The following MEI1 variants were observed in gnomAD, a reference collection of about 807,000 sequenced individuals.
The protein encoded by MEI1 is meiotic double-stranded break formation protein 1, also known as meiosis inhibitor protein 1.
MEI1 carries 103 observed loss-of-function variants against 146.2 expected under a neutral mutation model. The ratio of observed to expected loss-of-function variants is 0.70; its 90% CI spans 0.60 to 0.83. MEI1 has a LOEUF of 0.83. MEI1 is among the 40% of genes least tolerant of loss of function. The pLI is 0.00. For missense variants in MEI1, 1,529 were observed against 1,533.0 expected (o/e 1.00, Z 0.04); for synonymous variants, 652 against 628.2 (o/e 1.04, Z -0.57).
intron 14 of MEI1, 157 bp downstream of exon 14, chr22:41,746,183 A>G: frequency 1.7e-6 from 1 of 577,438 alleles, no homozygotes; most frequent in East Asian, 3.1e-5. Flanking sequence ...TGTTCTAAAA[A>G]TAAAATGTAG....
intron 11 of MEI1, among the ~76,000 whole-genome samples, chr22:41,736,775 T>A (rs1337663624): frequency 6.6e-6 from 1 of 152,132 alleles, no homozygotes; most frequent in East Asian, 1.9e-4. Flanking sequence ...ATCTCAGGAT[T>A]CTCTGTGAAA....
In MEI1 at chr22:41,770,859, AC is replaced by A; in HGVS notation, c.2443del (p.Leu815TrpfsTer16). ...FFWEESSYEE[L>X]DDVTSAGQPA... ...TCTGGGAAGAGAGCAGCTATGAGGA[AC>A]TGGATGATGTCACCTCTGCTGGGCA... On this transcript the variant is annotated frameshift_variant, in exon 20 of 31. Coordinates refer to ENST00000401548, the MANE Select transcript of MEI1 (RefSeq NM_152513.4). LOFTEE classifies it high-confidence loss of function. The A allele has an allele frequency of 6.2e-7, 1 of 1,613,978 alleles. No individual in the cohort carries two copies. The highest frequency in any genetic ancestry group is 8.5e-7 in the Non-Finnish European group (1 of 1,179,898).
intron 26 of MEI1, 32 bp from the exon 27 acceptor site, chr22:41,793,797 C>A (rs1298270746): frequency 3.9e-6 from 6 of 1,554,916 alleles, no homozygotes; most frequent in Non-Finnish European, 4.3e-6. Context: ...GGTAGCAAAA[C>A]CTGACCTGAT....
intron 15 of MEI1, among the ~76,000 whole-genome samples, chr22:41,749,565 A>G (rs1236978308): frequency 6.6e-6 from 1 of 152,150 alleles, no homozygotes; most frequent in Admixed American, 6.5e-5. Flanking sequence ...GTGAGCCACC[A>G]CGCCTGGCCT....
chr22:41,778,572 C>CA (rs2075590192), intron 21 of MEI1, 136 bp from the exon 22 acceptor site: 2 of 632,544 alleles, frequency 3.2e-6, no homozygotes, highest in Non-Finnish European at 5.6e-6. Context: ...GAGTAAATCC[C>CA]AACAAAACAC....
intron 11 of MEI1, among the ~76,000 whole-genome samples, chr22:41,739,772 C>G (rs1220950745): frequency 6.6e-6 from 1 of 152,054 alleles, no homozygotes; most frequent in Non-Finnish European, 1.5e-5. Flanking sequence ...CTAGAGGGGA[C>G]CAGTAGTGCC....
rs537424129 is a variant in MEI1 at position 41,713,173 on chromosome 22, T to C, written c.350-829T>C. ...ATGTGCAGCCTGAGTTGAGAACCAC[T>C]GATAATAAATCAAAGAAGGCCAGGC... is the stretch of plus-strand genomic sequence containing the variant. On this transcript the variant is annotated intron_variant, in intron 3 of 30. Transcript: ENST00000401548. Among the ~76,000 whole-genome samples the C allele has an allele frequency of 2.0e-3, 301 of 152,146 alleles. 1 individual carries two copies. The highest frequency in any genetic ancestry group is 6.8e-3 in the African/African-American group (284 of 41,514).
chr22:41,774,707 A>T (rs2075354560), intron 20 of MEI1, among the ~76,000 whole-genome samples: 1 of 152,218 alleles, frequency 6.6e-6, no homozygotes, highest in Non-Finnish European at 1.5e-5. Context: ...TCTCATTTGA[A>T]AAATTGGGGT....
At chr22:41,798,121 ACACACACACACACACACAC>A (rs2076428955) in intron 30 of MEI1, among the ~76,000 whole-genome samples, 1 of 11,544 alleles carries the variant, frequency 8.7e-5, no homozygotes, top group Admixed American at 1.2e-3. Context: ...AGCCCAACAC[ACACACACACACACACACAC>A]ACACACACAC....
chr22:41,799,292 G>C lies in MEI1; in HGVS notation c.3818G>C (p.Arg1273Thr). 1 of 1,613,558 alleles carries C rather than the reference G, an allele frequency of 6.2e-7. No individual in the cohort carries two copies. Among genetic ancestry groups the C allele is most frequent in the Non-Finnish European group, 8.5e-7 (1 of 1,179,670 alleles). ...GTGGCTGTATCCCTGTCCCACATCA[G>C]AAACTGATCCTCAGGACTTGAAGGC... ...GGVAVSLSHI[R>T]N The change falls in exon 31 of 31, where the codon AGA becomes ACA. Residue 1273 changes from arginine to threonine, a missense_variant. Arg to Thr is a moderately conservative substitution (Grantham distance 71). This residue lies in a region of MEI1 where 313 missense variants were observed against 337.3 expected (regional missense o/e 0.93). Coordinates refer to ENST00000401548, the MANE Select transcript of MEI1 (RefSeq NM_152513.4).
At chr22:41,710,667 C>G (rs1364397830) in intron 3 of MEI1, among the ~76,000 whole-genome samples, 2 of 152,174 alleles carry the variant, frequency 1.3e-5, no homozygotes, top group African/African-American at 4.8e-5. Flanking sequence ...TGCCTCACTT[C>G]TTTTGTGAAA....
chr22:41,704,453 G>A (rs371226712), intron 2 of MEI1, among the ~76,000 whole-genome samples: 1 of 137,464 alleles, frequency 7.3e-6, no homozygotes, highest in Non-Finnish European at 1.5e-5. Flanking sequence ...TCGCTCTTTC[G>A]CCCAGGCCGG....
intron 6 of MEI1, among the ~76,000 whole-genome samples, chr22:41,719,996 G>A (rs892908023): frequency 6.6e-6 from 1 of 152,112 alleles, no homozygotes; most frequent in Non-Finnish European, 1.5e-5. Context: ...TCTATAGCTG[G>A]CCCTGTGCTG....
At chr22:41,708,772 G>A (rs1262682122) in intron 3 of MEI1, among the ~76,000 whole-genome samples, 1 of 152,170 alleles carries the variant, frequency 6.6e-6, no homozygotes, top group African/African-American at 2.4e-5. Context: ...CCATCTCAGT[G>A]GCATCACTGG....
At chr22:41,747,930 A>G (rs2073451325) in intron 14 of MEI1, among the ~76,000 whole-genome samples, 177 bp from the exon 15 acceptor site, 2 of 152,164 alleles carry the variant, frequency 1.3e-5, no homozygotes, top group East Asian at 3.9e-4. Flanking sequence ...TAAAGTATCT[A>G]GTACAATCTA....
At chr22:41,750,378 A>G (rs550418660) in intron 15 of MEI1, among the ~76,000 whole-genome samples, 3 of 152,350 alleles carry the variant, frequency 2.0e-5, no homozygotes, top group South Asian at 4.1e-4. Context: ...GAAGTCAAGT[A>G]AGATGAAGAT....
intron 9 of MEI1, 32 bp downstream of exon 9, chr22:41,730,669 G>T (rs200162893): frequency 1.9e-5 from 28 of 1,508,178 alleles, no homozygotes; most frequent in Non-Finnish European, 2.4e-5. Flanking sequence ...CTAGCTTTGG[G>T]TTGGGTGGAC....
In MEI1 at chr22:41,699,651, C is replaced by G. The variant is rs201872996; in HGVS notation, c.113C>G (p.Pro38Arg). The G allele has an allele frequency of 6.3e-7, 1 of 1,590,554 alleles. No individual in the cohort carries two copies. Residue 38 changes from proline to arginine, a missense_variant, in exon 1 of 31, where the codon CCC becomes CGC. Around this residue, in one of 3 missense-constraint regions of MEI1, gnomAD observed 1,212 missense variants for 1,178.9 expected, o/e 1.03. Transcript: ENST00000401548. ...CGGCACGACCCGCGCTGGCTGCTGC[C>G]CGTGACCCCCCGCCTGTGCCTGGCC... The part of the protein sequence containing the change: ...HYRHDPRWLL[P>R]VTPRLCLACA...
intron 11 of MEI1, among the ~76,000 whole-genome samples, chr22:41,735,209 G>T (rs992805715): frequency 2.1e-5 from 3 of 146,266 alleles, no homozygotes; most frequent in Non-Finnish European, 3.0e-5. Context: ...TGATCCGCCC[G>T]CTTCGGCCTC....
Sources: gnomAD v4.1 joint callset for allele counts (sites outside exome capture counted in the v4.1 genomes callset) on GRCh38, gnomAD v4.1.1 for gene constraint, gnomAD v4.1.1 regional missense constraint, MANE v1.5 for transcripts, NCBI Gene and HGNC (gene_info 2026-07-23, HGNC 2026-07-21) for gene names.